The following WNK2 variants were observed in gnomAD, a reference collection of about 807,000 sequenced individuals.
WNK2 encodes the protein serine/threonine-protein kinase WNK2.
WNK2 carries 67 observed loss-of-function variants against 192.1 expected under a neutral mutation model. That is an observed-to-expected ratio of 0.35 (90% CI 0.29 to 0.43). The LOEUF is 0.43. Among genes scored for constraint, WNK2 ranks in the 20% least tolerant of loss-of-function variants. The pLI, the probability that WNK2 is intolerant of heterozygous loss-of-function variation, is 1.00. For missense variants in WNK2, 2,698 were observed against 3,089.7 expected, an observed-to-expected ratio of 0.87 and a Z score of 3.01; for synonymous variants, 1,439 against 1,393.9, an observed-to-expected ratio of 1.03 and a Z score of -0.72.
At chr9:93,234,103 T>C (rs936040968) in intron 4 of WNK2, among the ~76,000 whole-genome samples, 4 of 152,224 alleles carry the variant, frequency 2.6e-5, no homozygotes, top group African/African-American at 9.6e-5. Context: ...TCTAGCCTCA[T>C]GCTCATTTTG....
intron 4 of WNK2, among the ~76,000 whole-genome samples, chr9:93,233,176 C>A (rs934836278): frequency 1.6e-5 from 2 of 123,324 alleles, no homozygotes; most frequent in Non-Finnish European, 3.2e-5. Flanking sequence ...CGAGCCTGGG[C>A]GACAGGGCAC....
chr9:93,276,353 C>T (rs1211001264), intron 19 of WNK2, among the ~76,000 whole-genome samples: 1 of 152,164 alleles, frequency 6.6e-6, no homozygotes, highest in African/African-American at 2.4e-5. Context: ...ATAATCTTTT[C>T]AATAGATGTT....
chr9:93,284,000 G>A (rs1185443302), intron 19 of WNK2, among the ~76,000 whole-genome samples: 1 of 152,048 alleles, frequency 6.6e-6, no homozygotes, highest in East Asian at 1.9e-4. Context: ...TGAAGAAAAG[G>A]CAGTGAGAAA....
At chr9:93,243,306 G>T (rs987674233) in intron 7 of WNK2, among the ~76,000 whole-genome samples, 2 of 152,042 alleles carry the variant, frequency 1.3e-5, no homozygotes, top group South Asian at 4.2e-4. Context: ...CCCTGCCCCC[G>T]CCCTCCTGCA....
At chr9:93,308,703 A>G (rs1454621188) in intron 28 of WNK2, 119 bp downstream of exon 28, 1 of 1,374,504 alleles carries the variant, frequency 7.3e-7, no homozygotes, top group Non-Finnish European at 9.6e-7. Flanking sequence ...TCATGATCCA[A>G]GTTCATTCTC....
At chr9:93,263,888 G>A (rs748759699) in intron 15 of WNK2, 29 bp from the exon 16 acceptor site, 24 of 1,581,100 alleles carry the variant, frequency 1.5e-5, no homozygotes, top group Admixed American at 3.6e-5. Flanking sequence ...GGGTACGCCC[G>A]TGGTGGGTGC....
intron 19 of WNK2, among the ~76,000 whole-genome samples, chr9:93,274,528 A>G (rs1219726643): frequency 7.2e-6 from 1 of 139,546 alleles, no homozygotes; most frequent in Non-Finnish European, 1.6e-5. Context: ...AAAAAAAAAA[A>G]AAAAAAAAAA....
intron 26 of WNK2, 141 bp from the exon 27 acceptor site, chr9:93,306,636 G>A: frequency 3.7e-6 from 4 of 1,071,870 alleles, no homozygotes; most frequent in Non-Finnish European, 4.3e-6. Context: ...TCCCCCGGCC[G>A]GGTCGGCCCT....
intron 2 of WNK2, among the ~76,000 whole-genome samples, chr9:93,208,086 G>A (rs1587880981): frequency 6.6e-6 from 1 of 152,202 alleles, no homozygotes; most frequent in Non-Finnish European, 1.5e-5. Context: ...ATGCTGCAGT[G>A]ACGATTCCCA....
At chr9:93,308,889 CAG>C in intron 28 of WNK2, 3 of 1,266,686 alleles carry the variant, frequency 2.4e-6, no homozygotes, top group Non-Finnish European at 3.0e-6. Context: ...GCCCCGCACT[CAG>C]AGCAGGTAGC....
chr9:93,244,856 G>C (rs954099612), intron 7 of WNK2, among the ~76,000 whole-genome samples: 2 of 152,218 alleles, frequency 1.3e-5, no homozygotes, highest in African/African-American at 4.8e-5. Context: ...GTCTGCTCTG[G>C]ACTCTGAGCC....
Position 93,185,104 on chromosome 9 carries a change from G to T in WNK2, c.175G>T (p.Ala59Ser). 1.5e-6 allele frequency: 2 copies of T among 1,312,982 alleles called. No homozygotes were observed. Among genetic ancestry groups the T allele is most frequent in the South Asian group, 1.9e-5 (1 of 52,180 alleles). The allele number at this position is 1,312,982 out of a possible 1,614,324, so 81.3% of individuals were successfully genotyped here. ...SDQEEPPGLE[A>S]AEAPGPQPPQ... ...CCAGGAGGAGCCGCCGGGCTTGGAGGCAGCCGAGGCGCCGGGCCCGCAGCC... is the reference window on the plus strand; with the variant it reads ...CCAGGAGGAGCCGCCGGGCTTGGAGTCAGCCGAGGCGCCGGGCCCGCAGCC... The change falls in exon 2 of 30, where the codon GCA (alanine) becomes TCA (serine). Residue 59 changes from alanine (A) to serine (S), a missense_variant. Ala to Ser is a moderately conservative substitution (Grantham distance 99, BLOSUM62 1). Coordinates refer to ENST00000427277, the MANE Select transcript of WNK2 (RefSeq NM_006648.4).
intron 2 of WNK2, among the ~76,000 whole-genome samples, chr9:93,204,666 T>G (rs1165994426): frequency 6.6e-6 from 1 of 152,014 alleles, no homozygotes; most frequent in Non-Finnish European, 1.5e-5. Flanking sequence ...ACAGAGTGGG[T>G]GTTTGCAGGC....
intron 28 of WNK2, among the ~76,000 whole-genome samples, chr9:93,314,266 G>A (rs1305125810): frequency 6.6e-6 from 1 of 152,044 alleles, no homozygotes; most frequent in Non-Finnish European, 1.5e-5. Flanking sequence ...TGGGCGACAA[G>A]AGCAAAAGTC....
At chr9:93,238,521 C>T (rs951433423) in intron 6 of WNK2, among the ~76,000 whole-genome samples, 200 bp downstream of exon 6, 2 of 152,218 alleles carry the variant, frequency 1.3e-5, no homozygotes, top group African/African-American at 4.8e-5. Flanking sequence ...AGGCCAGGCC[C>T]TCACGTCCTT....
chr9:93,202,345 T>TGC (rs1287543874), intron 2 of WNK2, among the ~76,000 whole-genome samples: 1 of 144,996 alleles, frequency 6.9e-6, no homozygotes, highest in Admixed American at 7.2e-5. Context: ...TGTGTGTGTG[T>TGC]GTGTGTGTGT....
intron 25 of WNK2, among the ~76,000 whole-genome samples, 189 bp downstream of exon 25, chr9:93,299,450 C>T (rs1299115183): frequency 6.6e-6 from 1 of 152,106 alleles, no homozygotes; most frequent in Non-Finnish European, 1.5e-5. Context: ...TTGTCCCATC[C>T]ACCACCAAGT....
intron 8 of WNK2, among the ~76,000 whole-genome samples, chr9:93,249,276 A>G (rs1019295361): frequency 1.3e-5 from 2 of 152,032 alleles, no homozygotes; most frequent in African/African-American, 4.8e-5. Context: ...GTTTGAGGAT[A>G]TTTCTATATG....
chr9:93,313,759 G>C (rs1372227222), intron 28 of WNK2, among the ~76,000 whole-genome samples: 2 of 152,152 alleles, frequency 1.3e-5, no homozygotes, highest in Non-Finnish European at 2.9e-5. Flanking sequence ...ATTTGTGGGA[G>C]TTCATCATAT....
Sources: allele counts gnomAD v4.1 joint callset (sites outside exome capture counted in the v4.1 genomes callset), GRCh38; gene constraint gnomAD v4.1.1; transcripts MANE v1.5; gene names NCBI Gene and HGNC (gene_info 2026-07-23, HGNC 2026-07-21).